PARD3B: variants seen among roughly 807,000 people sequenced by gnomAD.
PARD3B encodes partitioning defective 3 homolog B.
Under a neutral mutation model 130.2 loss-of-function variants are expected in PARD3B, and 103 were observed. The ratio of observed to expected loss-of-function variants is 0.79; its 90% CI spans 0.67 to 0.93. The LOEUF is 0.93. PARD3B is among the 40% of genes least tolerant of loss of function. PARD3B has a pLI of 0.00. For synonymous variants in PARD3B, 583 were observed against 553.2 expected (o/e 1.05, Z -0.76); for missense variants, 1,609 against 1,499.2 (o/e 1.07, Z -1.21).
chr2:205,289,197 G>A (rs1258457112), intron 16 of PARD3B, among the ~76,000 whole-genome samples: 1 of 152,172 alleles, frequency 6.6e-6, no homozygotes, highest in Admixed American at 6.5e-5. Context: ...TTTGAAAAGT[G>A]ATAAGAAATC....
chr2:205,400,601 C>T (rs138768713), intron 18 of PARD3B, among the ~76,000 whole-genome samples: 4 of 151,874 alleles, frequency 2.6e-5, no homozygotes, highest in African/African-American at 4.8e-5. Flanking sequence ...AAGATCACAC[C>T]ACTGCACCTC....
chr2:204,555,488 G>A (rs1017961894), intron 1 of PARD3B, among the ~76,000 whole-genome samples: 3 of 152,120 alleles, frequency 2.0e-5, no homozygotes, highest in Non-Finnish European at 4.4e-5. Context: ...AACCTGGGAG[G>A]TGGAGATTGC....
rs1429571808 is a variant in PARD3B at position 205,461,999 on chromosome 2, CA to C, written c.3044+21328del. On this transcript the variant is annotated intron_variant, in intron 20 of 22. Transcript: ENST00000406610. The surrounding 1 kb of genome is among the most constrained non-coding windows in gnomAD (Gnocchi z 4.3). ...CTAATGGAATGGACTTCTTTGTAAG[CA>C]TGACTTACCTTATACATCTGTGTTC... is the stretch of plus-strand genomic sequence containing the variant. Among the ~76,000 whole-genome samples, 5 of 152,338 alleles carry C rather than the reference CA, an allele frequency of 3.3e-5. No individual in the cohort carries two copies. The East Asian group carries it at 9.6e-4, about 29-fold the overall frequency.
At chr2:205,232,453 A>G (rs374877704) in intron 15 of PARD3B, among the ~76,000 whole-genome samples, 13 of 152,200 alleles carry the variant, frequency 8.5e-5, no homozygotes, top group African/African-American at 3.1e-4. Context: ...TTTTAAATAC[A>G]AAAAGTGTAT....
At position 205,253,639 on chromosome 2, in the gene PARD3B, G is replaced by A. The variant is rs146663965; in HGVS notation, c.2185+7817G>A. On this transcript the variant is annotated intron_variant, in intron 16 of 22. Coordinates refer to ENST00000406610, the MANE Select transcript of PARD3B (RefSeq NM_001302769.2). This position sits in a 1 kb window ranked among gnomAD's most constrained non-coding sequence, Gnocchi z 4.4. ...GGGGTTCCATTACCCACACTCCAAG[G>A]TGGAAATCTTTCAGATGGTTAGATG... The A allele has an allele frequency of 2.5e-4, 90 of 364,528 alleles. 1 individual carries two copies. The highest frequency in any genetic ancestry group is 4.1e-4 in the Non-Finnish European group (77 of 185,898). 22.6% of individuals were successfully genotyped at this position (364,528 alleles called of 1,614,324 possible). A position where few individuals can be genotyped will look rare whatever the true frequency, so the allele number is the denominator to read the frequency against.
At position 205,193,268 on chromosome 2, in the gene PARD3B, G is replaced by A. The variant is rs552311482; in HGVS notation, c.2088G>A (p.Pro696=). ...ACATCAACTTCAGATCTGTGACACC[G>A]GCCAGGCAGCCTGAATCAATTAATT... ...DQHINFRSVT[P]ARQPESINLK... is the part of the protein sequence containing the mutation. The change falls in exon 15 of 23, where the codon CCG becomes CCA. Residue 696 remains proline (P), a synonymous_variant. Transcript: ENST00000406610. 74 of 1,613,734 alleles carry A rather than the reference G, an allele frequency of 4.6e-5. No individual in the cohort carries two copies. The highest frequency in any genetic ancestry group is 4.0e-4 in the South Asian group (36 of 91,056).
intron 2 of PARD3B, among the ~76,000 whole-genome samples, chr2:204,935,043 G>A (rs931166405): frequency 3.6e-4 from 54 of 151,972 alleles, no homozygotes; most frequent in African/African-American, 1.3e-3. Context: ...TATGACGCTT[G>A]ATTATAACCT....
intron 2 of PARD3B, among the ~76,000 whole-genome samples, chr2:204,875,763 G>A (rs1487114089): frequency 6.6e-6 from 1 of 152,198 alleles, no homozygotes; most frequent in Admixed American, 6.5e-5. Context: ...ATGTAAAAAG[G>A]AAATGGACTT....
At chr2:205,449,521 G>A (rs1046096776) in intron 20 of PARD3B, among the ~76,000 whole-genome samples, 27 of 152,110 alleles carry the variant, frequency 1.8e-4, no homozygotes, top group Admixed American at 1.4e-3. Flanking sequence ...ATAAGCCACC[G>A]CGCCTGGCCC....
At chr2:205,210,650 T>C (rs1183446445) in intron 15 of PARD3B, among the ~76,000 whole-genome samples, 2 of 152,140 alleles carry the variant, frequency 1.3e-5, no homozygotes, top group African/African-American at 4.8e-5. Context: ...TTGATTCATA[T>C]GACCAGTTGC....
rs143945713 is a variant in PARD3B, at chr2:204,756,274, G to A, written c.222+69992G>A. On this transcript the variant is annotated intron_variant, in intron 2 of 22. Transcript: ENST00000406610. ...TTTTTTATATTAAGTGGCATGATCA[G>A]TTGGTGTTTCTTTATGATATTTAGT... is the stretch of plus-strand genomic sequence containing the variant. Among the ~76,000 whole-genome samples the A allele has an allele frequency of 2.1e-4, 32 of 152,190 alleles. No homozygotes were observed. The East Asian group carries it at 6.2e-3, about 29-fold the overall frequency.
chr2:204,879,178 AAAAT>A (rs1396517649), intron 2 of PARD3B, among the ~76,000 whole-genome samples: 1 of 152,178 alleles, frequency 6.6e-6, no homozygotes, highest in East Asian at 1.9e-4. Flanking sequence ...TTGCAAATGT[AAAAT>A]AAACAAACCC....
intron 2 of PARD3B, among the ~76,000 whole-genome samples, chr2:204,881,142 A>G (rs780475271): frequency 5.9e-5 from 9 of 152,224 alleles, no homozygotes; most frequent in Non-Finnish European, 1.3e-4. Flanking sequence ...TTAGAAAACC[A>G]TGAGCGTATT....
At chr2:204,927,415 C>T (rs1687703892) in intron 2 of PARD3B, among the ~76,000 whole-genome samples, 1 of 152,134 alleles carries the variant, frequency 6.6e-6, no homozygotes, top group Admixed American at 6.6e-5. Context: ...AGCAGGCCCT[C>T]ACCAGACACC....
chr2:204,709,397 A>G (rs745615410), intron 2 of PARD3B, among the ~76,000 whole-genome samples: 1 of 152,250 alleles, frequency 6.6e-6, no homozygotes, highest in Non-Finnish European at 1.5e-5. Context: ...TTTCAGGTCA[A>G]TGTATGTGGT....
At chr2:204,952,730 G>C (rs995266349) in intron 2 of PARD3B, among the ~76,000 whole-genome samples, 3 of 152,130 alleles carry the variant, frequency 2.0e-5, no homozygotes, top group Non-Finnish European at 4.4e-5. Context: ...CAGGCGCGGT[G>C]GCTCACGCCT....
chr2:205,214,734 C>T (rs1252172414), intron 15 of PARD3B, among the ~76,000 whole-genome samples: 3 of 152,036 alleles, frequency 2.0e-5, no homozygotes, highest in Admixed American at 2.0e-4. Flanking sequence ...GCCCTACGTT[C>T]GCATGACCCA....
intron 16 of PARD3B, among the ~76,000 whole-genome samples, chr2:205,278,595 T>A (rs2041046807): frequency 6.6e-6 from 1 of 152,090 alleles, no homozygotes; most frequent in Non-Finnish European, 1.5e-5. Flanking sequence ...GACTTAGAAA[T>A]AAATAAAACA....
intron 1 of PARD3B, among the ~76,000 whole-genome samples, chr2:204,594,365 G>T (rs143368781): frequency 3.9e-4 from 59 of 152,292 alleles, no homozygotes; most frequent in Non-Finnish European, 7.6e-4. Context: ...CACAATAATA[G>T]CAAAGAATTA....
Sources: allele counts gnomAD v4.1 joint callset (sites outside exome capture counted in the v4.1 genomes callset), GRCh38; gene constraint gnomAD v4.1.1; non-coding constraint Gnocchi (gnomAD v3.1); transcripts MANE v1.5; gene names NCBI Gene and HGNC (gene_info 2026-07-23, HGNC 2026-07-21).